TTLL7: variants seen among roughly 807,000 people sequenced by gnomAD.
TTLL7 encodes tubulin polyglutamylase TTLL7.
A neutral mutation model predicts 120.2 loss-of-function variants in TTLL7; 53 were observed. That is an observed-to-expected ratio of 0.44 (90% CI 0.35 to 0.55). TTLL7 has a LOEUF of 0.55. TTLL7 is among the 20% of genes least tolerant of loss of function. The pLI is 0.00. For synonymous variants in TTLL7, 353 were observed against 351.7 expected, an observed-to-expected ratio of 1.00 and a Z score of -0.04; for missense variants, 803 against 1,054.7, an observed-to-expected ratio of 0.76 and a Z score of 3.31.
intron 18 of TTLL7, among the ~76,000 whole-genome samples, chr1:83,892,744 G>A (rs62641611): frequency 0.14 from 7,951 of 56,110 alleles, 1,269 homozygotes; most frequent in African/African-American, 0.26. Flanking sequence ...ATATATGAGC[G>A]CATATGTGAA....
intron 18 of TTLL7, chr1:83,900,065 T>C (rs1182022246): frequency 5.5e-6 from 2 of 366,906 alleles, no homozygotes; most frequent in Non-Finnish European, 1.1e-5. Flanking sequence ...TTTCTTCCAA[T>C]TCACAAATAT....
At chr1:83,982,736 T>C (rs1401343348) in intron 1 of TTLL7, among the ~76,000 whole-genome samples, 1 of 152,184 alleles carries the variant, frequency 6.6e-6, no homozygotes. Flanking sequence ...CCAAAGTAAC[T>C]TGTAGATTCA....
intron 14 of TTLL7, among the ~76,000 whole-genome samples, chr1:83,913,192 T>C (rs1372060634): frequency 2.6e-5 from 4 of 152,190 alleles, no homozygotes; most frequent in African/African-American, 9.7e-5. Flanking sequence ...AAATGGAATT[T>C]GTAAACTGGC....
intron 1 of TTLL7, among the ~76,000 whole-genome samples, chr1:83,959,665 A>G (rs555528810): frequency 7.7e-4 from 117 of 152,226 alleles, no homozygotes; most frequent in Non-Finnish European, 1.1e-3. Flanking sequence ...AAAATAATTA[A>G]ACTTATAAGG....
chr1:83,926,536 G>A (rs1297938391), intron 10 of TTLL7, among the ~76,000 whole-genome samples: 1 of 152,152 alleles, frequency 6.6e-6, no homozygotes, highest in Non-Finnish European at 1.5e-5. Flanking sequence ...GCTGAGGCAA[G>A]AACACAGTGA....
chr1:83,947,445 T>C (rs182805021), intron 5 of TTLL7, 163 bp from the exon 6 acceptor site: 35 of 640,036 alleles, frequency 5.5e-5, no homozygotes, highest in Non-Finnish European at 8.2e-5. Context: ...TGAGCACCTA[T>C]TAAGTGTTAG....
rs1187007761 is a variant in TTLL7 at position 83,919,725 on chromosome 1, A to G, written c.1474T>C (p.Leu492=). The G allele has an allele frequency of 2.5e-6, 4 of 1,612,598 alleles. No individual in the cohort carries two copies. Among genetic ancestry groups the G allele is most frequent in the East Asian group, 2.2e-5 (1 of 44,784 alleles). ...TTCATCCTTTTCAAAGGATTATTCA[A>G]CTCTCGCTGGAATGAAGCTGCTCTT... ...SGRAASFQRE[L]NNPLKRMKEE... The change falls in exon 13 of 21, where the codon TTG becomes CTG. Residue 492 remains leucine (L), a synonymous_variant. Coordinates refer to ENST00000260505, the MANE Select transcript of TTLL7 (RefSeq NM_024686.6).
At chr1:83,890,186 T>C in intron 19 of TTLL7, 135 bp downstream of exon 19, 1 of 827,404 alleles carries the variant, frequency 1.2e-6, no homozygotes, top group Admixed American at 2.8e-5. Context: ...TAAATTATAG[T>C]TGAGTACTAA....
chr1:83,991,236 T>C (rs1316949681), intron 1 of TTLL7, among the ~76,000 whole-genome samples: 3 of 151,976 alleles, frequency 2.0e-5, no homozygotes. Context: ...GTTTAATGAG[T>C]ATAGAGTTTG....
chr1:83,989,087 T>C (rs993957744), intron 1 of TTLL7, among the ~76,000 whole-genome samples: 4 of 152,238 alleles, frequency 2.6e-5, no homozygotes, highest in Admixed American at 2.6e-4. Context: ...TAGACCTTTG[T>C]CACATACATA....
intron 17 of TTLL7, 87 bp from the exon 18 acceptor site, chr1:83,904,246 T>C: frequency 1.1e-6 from 1 of 934,126 alleles, no homozygotes; most frequent in Non-Finnish European, 1.6e-6. Context: ...TATAATATAC[T>C]TGCAACAAAT....
At chr1:83,972,309 T>C (rs1651064163) in intron 1 of TTLL7, among the ~76,000 whole-genome samples, 1 of 152,096 alleles carries the variant, frequency 6.6e-6, no homozygotes, top group Non-Finnish European at 1.5e-5. Flanking sequence ...ATCTTTTTCC[T>C]ATCTCCACAG....
chr1:83,933,997 T>G (rs1466225899), intron 8 of TTLL7, among the ~76,000 whole-genome samples: 3 of 152,156 alleles, frequency 2.0e-5, no homozygotes. Context: ...TTAAGTCCTT[T>G]GAGTTAGCTG....
Position 83,907,674 on chromosome 1 carries a change from G to A in TTLL7, c.1787-13C>T. On this transcript the variant is annotated splice_polypyrimidine_tract_variant and intron_variant, in intron 15 of 20. Coordinates refer to ENST00000260505, the MANE Select transcript of TTLL7 (RefSeq NM_024686.6). ...CGTCTTATGGAGCCTATCAGTGATGGAGAAGAGGGATACTACAGTAGCAGT... is the reference window on the plus strand; with the variant it reads ...CGTCTTATGGAGCCTATCAGTGATGAAGAAGAGGGATACTACAGTAGCAGT... 7 of 1,609,586 alleles carry A rather than the reference G, an allele frequency of 4.3e-6. No homozygotes were observed. The highest frequency in any genetic ancestry group is 5.1e-6 in the Non-Finnish European group (6 of 1,177,374).
At chr1:83,922,406 A>G (rs1377990881) in intron 10 of TTLL7, among the ~76,000 whole-genome samples, 1 of 152,130 alleles carries the variant, frequency 6.6e-6, no homozygotes, top group Non-Finnish European at 1.5e-5. Flanking sequence ...CATTTAATTC[A>G]TCATGAGATT....
chr1:83,884,050 G>A (rs1395229233), intron 19 of TTLL7, among the ~76,000 whole-genome samples: 1 of 151,880 alleles, frequency 6.6e-6, no homozygotes, highest in Non-Finnish European at 1.5e-5. Context: ...GTGTATGTGT[G>A]TGTGTGTTAA....
At chr1:83,933,833 G>A (rs370909363) in intron 8 of TTLL7, 67 bp from the exon 9 acceptor site, 49 of 1,500,588 alleles carry the variant, frequency 3.3e-5, no homozygotes, top group African/African-American at 5.6e-5. Context: ...AAATATAACC[G>A]GGGCCCACAA....
intron 13 of TTLL7, among the ~76,000 whole-genome samples, chr1:83,919,259 AGTGTGTGTGTGT>A (rs111745254): frequency 8.2e-5 from 12 of 146,946 alleles, no homozygotes; most frequent in Admixed American, 2.7e-4. Context: ...TACAGATTAG[AGTGTGTGTGTGT>A]GTGTGTGTGT....
At chr1:83,959,217 G>A (rs1356387454) in intron 1 of TTLL7, among the ~76,000 whole-genome samples, 1 of 152,166 alleles carries the variant, frequency 6.6e-6, no homozygotes, top group Non-Finnish European at 1.5e-5. Flanking sequence ...ATATAGAGGT[G>A]AGGCCCATCA....
Sources: gnomAD v4.1 joint callset for allele counts (sites outside exome capture counted in the v4.1 genomes callset) on GRCh38, gnomAD v4.1.1 for gene constraint, MANE v1.5 for transcripts, NCBI Gene and HGNC (gene_info 2026-07-23, HGNC 2026-07-21) for gene names.